TRPM3: variants seen among roughly 807,000 people sequenced by gnomAD.
TRPM3 encodes long transient receptor potential channel 3.
In TRPM3, 77 loss-of-function variants were observed where a neutral mutation model predicts 181.2. The observed-to-expected ratio is 0.42, with a 90% CI of 0.35 to 0.51. The LOEUF (loss-of-function observed/expected upper bound fraction) is 0.51, where lower values mean the gene tolerates loss of function less well. TRPM3 is among the 20% of genes least tolerant of loss of function. The pLI is 0.01. For missense variants in TRPM3, 1,759 were observed against 2,196.7 expected (o/e 0.80, Z 3.98); for synonymous variants, 745 against 796.4 (o/e 0.94, Z 1.09).
At chr9:70,688,203 G>A (rs1328151) in intron 8 of TRPM3, among the ~76,000 whole-genome samples, 99,310 of 151,930 alleles carry the variant, frequency 0.65, 32,813 homozygotes, top group African/African-American at 0.75. Context: ...TCCATATTAG[G>A]ACGTTTAAAG....
intron 5 of TRPM3, among the ~76,000 whole-genome samples, chr9:70,833,153 C>T (rs1335171078): frequency 6.6e-6 from 1 of 152,124 alleles, no homozygotes; most frequent in Non-Finnish European, 1.5e-5. Context: ...GAATAGTGAC[C>T]TTTAATGTGT....
intron 25 of TRPM3, 38 bp from the exon 26 acceptor site, chr9:70,537,443 G>T: frequency 7.1e-7 from 1 of 1,410,866 alleles, no homozygotes; most frequent in Non-Finnish European, 9.2e-7. Context: ...ACTCGGCCTG[G>T]TTCCTCTGCT....
At chr9:70,539,044 A>G (rs1213037924) in intron 25 of TRPM3, among the ~76,000 whole-genome samples, 1 of 152,232 alleles carries the variant, frequency 6.6e-6, no homozygotes, top group African/African-American at 2.4e-5. Flanking sequence ...AGAGGATTAA[A>G]GTTACTTTTT....
At chr9:71,129,321 G>A (rs938405499) in intron 1 of TRPM3, among the ~76,000 whole-genome samples, 4 of 152,112 alleles carry the variant, frequency 2.6e-5, no homozygotes, top group Non-Finnish European at 5.9e-5. Flanking sequence ...CATGGATTTT[G>A]AAATCAGGGA....
chr9:70,560,063 T>C (rs2048689299), intron 22 of TRPM3, among the ~76,000 whole-genome samples: 1 of 152,208 alleles, frequency 6.6e-6, no homozygotes, highest in Non-Finnish European at 1.5e-5. Context: ...AATAAACATC[T>C]GTGGAAAGCA....
At position 70,786,311 on chromosome 9, in the gene TRPM3, C is replaced by CAAA. The variant is rs71367227; in HGVS notation, c.974-2035_974-2033dup. 5.8e-3 allele frequency among the ~76,000 whole-genome samples: 314 copies of CAAA among 54,434 alleles called. 12 individuals carry two copies. The highest frequency in any genetic ancestry group is 0.02 in the African/African-American group (290 of 14,252). The allele number at this position is 54,434 out of a possible 152,430, so 35.7% of individuals were successfully genotyped here. A position where few individuals can be genotyped will look rare whatever the true frequency, so the allele number is the denominator to read the frequency against. ...GAAACCCTGTCACTACTAAAAATAC[C>CAAA]AAAAAAAAAAAAAAAAAAAAAAAAT... On this transcript the variant is annotated intron_variant, in intron 6 of 25. Coordinates refer to ENST00000677713, the MANE Select transcript of TRPM3 (RefSeq NM_001366145.2).
chr9:71,201,788 C>T (rs2078811469), intron 1 of TRPM3, among the ~76,000 whole-genome samples: 1 of 152,156 alleles, frequency 6.6e-6, no homozygotes, highest in South Asian at 2.1e-4. Context: ...CCTCCTGTAG[C>T]TCGGAATAGT....
At chr9:71,210,528 C>T (rs2079426532) in intron 1 of TRPM3, among the ~76,000 whole-genome samples, 1 of 152,250 alleles carries the variant, frequency 6.6e-6, no homozygotes, top group South Asian at 2.1e-4. Flanking sequence ...TTTCTCAGTC[C>T]TATACTGACT....
chr9:71,293,492 C>A (rs2085997148), intron 1 of TRPM3, among the ~76,000 whole-genome samples: 2 of 151,452 alleles, frequency 1.3e-5, no homozygotes, highest in South Asian at 4.2e-4. Context: ...GTTGGTGGTA[C>A]CTAAGAATAA....
At chr9:71,264,741 A>G (rs2083275875) in intron 1 of TRPM3, among the ~76,000 whole-genome samples, 1 of 152,182 alleles carries the variant, frequency 6.6e-6, no homozygotes, top group South Asian at 2.1e-4. Flanking sequence ...GAGAATCTAG[A>G]CAGGTGTACT....
At chr9:70,822,740 T>G (rs746596333) in intron 6 of TRPM3, among the ~76,000 whole-genome samples, 38 of 146,406 alleles carry the variant, frequency 2.6e-4, no homozygotes, top group Non-Finnish European at 5.1e-4. Flanking sequence ...TACCACAGTT[T>G]CAAAAACAAA....
chr9:71,263,783 T>C (rs1236046666), intron 1 of TRPM3, among the ~76,000 whole-genome samples: 1 of 152,048 alleles, frequency 6.6e-6, no homozygotes, highest in Non-Finnish European at 1.5e-5. Context: ...TCTTTTTCCT[T>C]CTTCTTTTTA....
intron 1 of TRPM3, among the ~76,000 whole-genome samples, chr9:70,982,747 C>A (rs938966527): frequency 3.3e-5 from 5 of 152,212 alleles, no homozygotes; most frequent in Admixed American, 2.6e-4. Flanking sequence ...GTCACCCAGG[C>A]TGGAGTGCAG....
chr9:71,386,565 A>C (rs1157555873), intron 1 of TRPM3, among the ~76,000 whole-genome samples: 2 of 152,186 alleles, frequency 1.3e-5, no homozygotes, highest in Non-Finnish European at 2.9e-5. Flanking sequence ...GTGCAATATC[A>C]AGGTACAGAT....
intron 6 of TRPM3, chr9:70,827,181 T>G (rs539239614): frequency 6.6e-5 from 10 of 152,380 alleles, no homozygotes; most frequent in African/African-American, 1.9e-4. Context: ...TGAAGATAGT[T>G]TCACATGATG....
At chr9:70,977,945 C>T (rs1487046857) in intron 1 of TRPM3, among the ~76,000 whole-genome samples, 7 of 152,186 alleles carry the variant, frequency 4.6e-5, no homozygotes, top group Non-Finnish European at 7.3e-5. Flanking sequence ...TTTATGAAAG[C>T]ATGATTGGTT....
At chr9:70,752,140 C>T (rs1379818311) in intron 8 of TRPM3, among the ~76,000 whole-genome samples, 1 of 151,938 alleles carries the variant, frequency 6.6e-6, no homozygotes, top group Non-Finnish European at 1.5e-5. Flanking sequence ...TAGTTGGCAA[C>T]TCTGGAGAAG....
At chr9:70,843,781 T>C (rs751290245) in intron 4 of TRPM3, among the ~76,000 whole-genome samples, 3 of 109,516 alleles carry the variant, frequency 2.7e-5, no homozygotes, top group Non-Finnish European at 6.0e-5. Context: ...GCGGCATAAC[T>C]CTTACCTTTT....
At position 71,025,588 on chromosome 9, in the gene TRPM3, T is replaced by C. The variant is rs141267291; in HGVS notation, c.177+95590A>G. On this transcript the variant is annotated intron_variant, in intron 1 of 25. Coordinates refer to ENST00000677713, the MANE Select transcript of TRPM3 (RefSeq NM_001366145.2). ...AAGACAAGCATTGATTTAGCAGCCA[T>C]CACTGTTGGTACAATATACACAATA... Among the ~76,000 whole-genome samples the C allele has an allele frequency of 3.2e-4, 49 of 152,362 alleles. 1 individual carries two copies. The East Asian group carries it at 8.9e-3, about 28-fold the overall frequency.
Sources: gnomAD v4.1 joint callset for allele counts (sites outside exome capture counted in the v4.1 genomes callset) on GRCh38, gnomAD v4.1.1 for gene constraint, MANE v1.5 for transcripts, NCBI Gene and HGNC (gene_info 2026-07-23, HGNC 2026-07-21) for gene names.